PPP2R3C: variants seen among roughly 807,000 people sequenced by gnomAD.
The protein encoded by PPP2R3C is serine/threonine-protein phosphatase 2A regulatory subunit B'' subunit gamma.
Under a neutral mutation model 63.7 loss-of-function variants are expected in PPP2R3C, and 47 were observed. The ratio of observed to expected loss-of-function variants is 0.74; its 90% confidence interval spans 0.58 to 0.94. The LOEUF is 0.94. Ranked by LOEUF, PPP2R3C falls within the 40% of genes least tolerant of loss-of-function variation. The pLI is 0.00. For synonymous variants in PPP2R3C, 180 were observed against 177.4 expected (o/e 1.01, Z -0.12); for missense variants, 421 against 518.4 (o/e 0.81, Z 1.82).
intron 11 of PPP2R3C, among the ~76,000 whole-genome samples, 191 bp downstream of exon 11, chr14:35,090,879 C>A (rs1219702067): frequency 6.6e-6 from 1 of 152,030 alleles, no homozygotes; most frequent in African/African-American, 2.4e-5. Flanking sequence ...CCACACCTGG[C>A]TAATTTTTTG....
chr14:35,089,852 G>C (rs2045738775), intron 11 of PPP2R3C, among the ~76,000 whole-genome samples: 2 of 62,416 alleles, frequency 3.2e-5, no homozygotes, highest in Non-Finnish European at 7.3e-5. Flanking sequence ...ATTTTTAGTA[G>C]AGATGGGTTT....
At chr14:35,089,664 T>C (rs1187021841) in intron 11 of PPP2R3C, among the ~76,000 whole-genome samples, 1 of 143,330 alleles carries the variant, frequency 7.0e-6, no homozygotes, top group Non-Finnish European at 1.5e-5. Flanking sequence ...TATGATTTTT[T>C]AATTTTTTTT....
At chr14:35,089,683 T>A (rs2045727662) in intron 11 of PPP2R3C, among the ~76,000 whole-genome samples, 2 of 151,934 alleles carry the variant, frequency 1.3e-5, no homozygotes, top group South Asian at 4.2e-4. Flanking sequence ...TTTTTCTTTT[T>A]GAGACTCAGT....
At chr14:35,105,414 C>T (rs2046317129) in intron 6 of PPP2R3C, among the ~76,000 whole-genome samples, 1 of 151,958 alleles carries the variant, frequency 6.6e-6, no homozygotes, top group African/African-American at 2.4e-5. Flanking sequence ...AACTCCTGAC[C>T]TCAAGATCTG....
At chr14:35,096,431 A>G in intron 9 of PPP2R3C, 127 bp downstream of exon 9, 2 of 910,758 alleles carry the variant, frequency 2.2e-6, no homozygotes, top group Admixed American at 5.1e-5. Context: ...AATGTAGAAT[A>G]CTAAAGCTTA....
intron 12 of PPP2R3C, 88 bp from the exon 13 acceptor site, chr14:35,085,866 A>T: frequency 1.9e-6 from 2 of 1,044,082 alleles, no homozygotes; most frequent in Non-Finnish European, 2.7e-6. Flanking sequence ...GTTTGCATCC[A>T]CTGAAGTACA....
At chr14:35,095,666 G>A (rs1379786041) in intron 9 of PPP2R3C, among the ~76,000 whole-genome samples, 6 of 148,156 alleles carry the variant, frequency 4.0e-5, no homozygotes, top group South Asian at 2.2e-4. Context: ...GTGAAACACC[G>A]TCTCTACTAA....
At chr14:35,086,187 TTTTG>T (rs1269248858) in intron 12 of PPP2R3C, 1 of 156,922 alleles carries the variant, frequency 6.4e-6, no homozygotes, top group African/African-American at 2.4e-5. Context: ...TGTCTGTAGT[TTTTG>T]TTTTTGTTGT....
At chr14:35,087,704 G>T in intron 12 of PPP2R3C, 1 of 426,156 alleles carries the variant, frequency 2.3e-6, no homozygotes, top group Non-Finnish European at 4.3e-6. Context: ...CCGGCCCCCT[G>T]ACTGTCTTAA....
chr14:35,106,067 G>A (rs958064781), intron 6 of PPP2R3C, among the ~76,000 whole-genome samples: 5 of 151,396 alleles, frequency 3.3e-5, no homozygotes, highest in African/African-American at 9.7e-5. Context: ...GAATGGTCTC[G>A]ATCTCCTGAC....
At chr14:35,112,551 C>G (rs2046595309) in intron 2 of PPP2R3C, among the ~76,000 whole-genome samples, 1 of 152,152 alleles carries the variant, frequency 6.6e-6, no homozygotes, top group Admixed American at 6.6e-5. Context: ...TCAGAAGGAA[C>G]AGAGTTAAAG....
chr14:35,092,883 C>T (rs965849733), intron 10 of PPP2R3C, among the ~76,000 whole-genome samples: 17 of 152,104 alleles, frequency 1.1e-4, no homozygotes, highest in African/African-American at 4.1e-4. Context: ...TGACACTGCT[C>T]TCATCCATAA....
chr14:35,098,074 A>G lies in PPP2R3C; in HGVS notation c.706+1178T>C, dbSNP rs551742761. On this transcript the variant is annotated intron_variant, in intron 7 of 12. Coordinates refer to ENST00000261475, the MANE Select transcript of PPP2R3C (RefSeq NM_017917.4). ...AGCATACTACATAAGTCAAAACGTG[A>G]TATTATTTTGTAAAATTTGAAAAAG... Among the ~76,000 whole-genome samples the G allele has an allele frequency of 2.2e-4, 33 of 152,246 alleles. 1 individual carries two copies. The South Asian group carries it at 5.8e-3, about 27-fold the overall frequency.
rs540035194 is a variant in PPP2R3C, at chr14:35,090,487, CAG to C, written c.1113+581_1113+582del. Among the ~76,000 whole-genome samples, 9 of 151,756 alleles carry C rather than the reference CAG, an allele frequency of 5.9e-5. No homozygotes were observed. The East Asian group carries it at 1.5e-3, about 26-fold the overall frequency. On this transcript the variant is annotated intron_variant, in intron 11 of 12. Transcript: ENST00000261475. ...GATCATGCCACTGCAGCCTGGGCGA[CAG>C]AGCCAGACCCTTTCTCAAAAAAAGA...
chr14:35,119,049 T>G (rs1271481002), intron 1 of PPP2R3C, among the ~76,000 whole-genome samples: 1 of 151,266 alleles, frequency 6.6e-6, no homozygotes, highest in Non-Finnish European at 1.5e-5. Flanking sequence ...CTTTTTTTTT[T>G]TTTTTTGAGA....
At chr14:35,110,746 C>T (rs1381339003) in intron 2 of PPP2R3C, 117 bp from the exon 3 acceptor site, 10 of 645,012 alleles carry the variant, frequency 1.6e-5, no homozygotes, top group Non-Finnish European at 2.6e-5. Context: ...TTGTATCTCA[C>T]CTTAATTGTG....
At position 35,096,614 on chromosome 14, in the gene PPP2R3C, G is replaced by A; in HGVS notation, c.782C>T (p.Ser261Phe). 6.2e-7 allele frequency: 1 copy of A among 1,613,764 alleles called. No homozygotes were observed. The highest frequency in any genetic ancestry group is 8.5e-7 in the Non-Finnish European group (1 of 1,179,866). Residue 261 changes from serine to phenylalanine, a missense_variant, in exon 9 of 13, where the codon TCC becomes TTC. Physicochemically the swap from Ser to Phe is radical, Grantham distance 155 (BLOSUM62 -2). Transcript: ENST00000261475. ...DLLELRDEEL[S>F]KESQETNWFS... ...CCAATTTGTTTCTTGACTCTCCTTG[G>A]ACAGTTCCTCATCCCTTAGCTAATG...
intron 2 of PPP2R3C, among the ~76,000 whole-genome samples, chr14:35,116,374 C>T (rs558547158): frequency 1.8e-3 from 277 of 152,196 alleles, no homozygotes; most frequent in African/African-American, 6.4e-3. Context: ...GCTTCAGCCT[C>T]CTGAGAAGCT....
At chr14:35,117,502 C>T (rs1412370610) in intron 1 of PPP2R3C, among the ~76,000 whole-genome samples, 1 of 152,204 alleles carries the variant, frequency 6.6e-6, no homozygotes, top group African/African-American at 2.4e-5. Context: ...CTCAAATATA[C>T]TCTCAGATCA....
Sources: gnomAD v4.1 joint callset for allele counts (sites outside exome capture counted in the v4.1 genomes callset) on GRCh38, gnomAD v4.1.1 for gene constraint, MANE v1.5 for transcripts, NCBI Gene and HGNC (gene_info 2026-07-23, HGNC 2026-07-21) for gene names.